Variants in SORBS2 observed in about 807,000 individuals in gnomAD.
SORBS2 encodes sorbin and SH3 domain containing 2, also known as sorbin and SH3 domain-containing protein 2.
SORBS2 carries 46 observed loss-of-function variants against 97.7 expected under a neutral mutation model. The ratio of observed to expected loss-of-function variants is 0.47; its 90% CI spans 0.37 to 0.60. The LOEUF (loss-of-function observed/expected upper bound fraction) is 0.60, where lower values mean the gene tolerates loss of function less well. SORBS2 is among the 20% of genes least tolerant of loss of function. The pLI is 0.00. For missense variants in SORBS2, 1,316 were observed against 1,282.3 expected (o/e 1.03, Z -0.40); for synonymous variants, 476 against 473.4 (o/e 1.01, Z -0.07).
chr4:185,691,511 G>T (rs914353924), intron 2 of SORBS2, among the ~76,000 whole-genome samples: 2 of 152,106 alleles, frequency 1.3e-5, no homozygotes, highest in African/African-American at 4.8e-5. Context: ...TGCCTTACAT[G>T]TGCAGGTCAG....
At chr4:185,601,307 A>C (rs1456799091) in intron 12 of SORBS2, among the ~76,000 whole-genome samples, 1 of 152,164 alleles carries the variant, frequency 6.6e-6, no homozygotes, top group African/African-American at 2.4e-5. Context: ...ACATTTCCTG[A>C]CTTGTAGCTG....
intron 1 of SORBS2, among the ~76,000 whole-genome samples, chr4:185,806,040 C>A (rs780539736): frequency 2.0e-5 from 3 of 152,184 alleles, no homozygotes; most frequent in Non-Finnish European, 4.4e-5. Context: ...GTGTAGGCAA[C>A]CTGTATGAAG....
chr4:185,717,593 C>T (rs1365210920), intron 2 of SORBS2, among the ~76,000 whole-genome samples: 1 of 152,066 alleles, frequency 6.6e-6, no homozygotes, highest in African/African-American at 2.4e-5. Context: ...AGGTAGAAGC[C>T]GCATGTGGTC....
chr4:185,602,986 A>G (rs2096300716), intron 12 of SORBS2, among the ~76,000 whole-genome samples: 1 of 152,246 alleles, frequency 6.6e-6, no homozygotes, highest in South Asian at 2.1e-4. Flanking sequence ...AGTTAGTCAG[A>G]AGTATCTCAT....
intron 1 of SORBS2, among the ~76,000 whole-genome samples, chr4:185,841,489 C>T (rs866807624): frequency 5.9e-5 from 9 of 152,124 alleles, no homozygotes; most frequent in African/African-American, 1.7e-4. Context: ...GGTGCCAGAG[C>T]CCCAGATTAT....
intron 7 of SORBS2, among the ~76,000 whole-genome samples, chr4:185,620,545 T>G (rs140475341): frequency 6.6e-6 from 1 of 152,136 alleles, no homozygotes; most frequent in African/African-American, 2.4e-5. Flanking sequence ...GGATGGAGAA[T>G]TTGAAAATAG....
At chr4:185,593,163 T>G (rs1161685175) in intron 13 of SORBS2, 1 of 152,422 alleles carries the variant, frequency 6.6e-6, no homozygotes, top group Non-Finnish European at 1.5e-5. Flanking sequence ...TGAATAAGCC[T>G]TCCCAGGGGT....
chr4:185,624,013 C>T (rs1345029050), exon 7 of SORBS2: 21 of 1,614,232 alleles, frequency 1.3e-5, no homozygotes, highest in South Asian at 6.6e-5. Flanking sequence ...AGCAGATCAC[C>T]TCGGAGTTCA....
chr4:185,908,669 T>C (rs941559053), intron 1 of SORBS2, among the ~76,000 whole-genome samples: 16 of 151,810 alleles, frequency 1.1e-4, no homozygotes, highest in Non-Finnish European at 1.9e-4. Flanking sequence ...AATGAGTCCT[T>C]AACCAAATGA....
chr4:185,598,408 CA>C, intron 12 of SORBS2, among the ~76,000 whole-genome samples: 1 of 152,162 alleles, frequency 6.6e-6, no homozygotes, highest in Non-Finnish European at 1.5e-5. Context: ...GAACCAATCA[CA>C]AGTTGCTGTT....
intron 2 of SORBS2, among the ~76,000 whole-genome samples, chr4:185,736,395 C>T (rs1273698859): frequency 3.3e-5 from 5 of 152,114 alleles, no homozygotes; most frequent in African/African-American, 9.7e-5. Context: ...GTGCCCTGGG[C>T]CTGCAAAGGT....
chr4:185,914,820 T>C (rs1225423395), intron 1 of SORBS2, among the ~76,000 whole-genome samples: 1 of 152,218 alleles, frequency 6.6e-6, no homozygotes, highest in Non-Finnish European at 1.5e-5. Context: ...CTGTAACCAG[T>C]CACAACTCAT....
chr4:185,741,068 CAT>C (rs1216685455), intron 2 of SORBS2, among the ~76,000 whole-genome samples: 2 of 152,118 alleles, frequency 1.3e-5, no homozygotes, highest in Non-Finnish European at 2.9e-5. Flanking sequence ...GATTCTCTGG[CAT>C]AGACTCAGAC....
At chr4:185,646,876 C>A in intron 3 of SORBS2, 94 bp from the exon 13 acceptor site, 2 of 728,268 alleles carry the variant, frequency 2.7e-6, no homozygotes, top group African/African-American at 1.8e-5. Context: ...TTACTTTTAG[C>A]ATAGTTTTAA....
chr4:185,741,643 C>T (rs528586596), intron 2 of SORBS2, among the ~76,000 whole-genome samples: 26 of 152,134 alleles, frequency 1.7e-4, no homozygotes, highest in Non-Finnish European at 2.5e-4. Flanking sequence ...GGATTACAGG[C>T]GTGAGCCACC....
chr4:185,621,023 A>T (rs1381647500), intron 7 of SORBS2, among the ~76,000 whole-genome samples: 6 of 152,220 alleles, frequency 3.9e-5, no homozygotes, highest in African/African-American at 1.4e-4. Flanking sequence ...GTAACTAGAC[A>T]TTAAATGTAT....
At chr4:185,906,665 CTGTT>C (rs2099251044) in intron 1 of SORBS2, among the ~76,000 whole-genome samples, 2 of 152,192 alleles carry the variant, frequency 1.3e-5, no homozygotes, top group South Asian at 2.1e-4. Flanking sequence ...CACCTGCCCA[CTGTT>C]TATATGATTC....
intron 1 of SORBS2, among the ~76,000 whole-genome samples, chr4:185,795,618 T>C (rs2099101291): frequency 6.6e-6 from 1 of 152,242 alleles, no homozygotes; most frequent in Non-Finnish European, 1.5e-5. Flanking sequence ...GTTGAAATCA[T>C]ATTTTGGCTG....
chr4:185,791,096 A>T (rs542049887), intron 1 of SORBS2, among the ~76,000 whole-genome samples: 2 of 152,362 alleles, frequency 1.3e-5, no homozygotes, highest in East Asian at 3.9e-4. Context: ...AAGTTTCTCT[A>T]AGTACTAATT....
Sources: allele counts gnomAD v4.1 joint callset (sites outside exome capture counted in the v4.1 genomes callset), GRCh38; gene constraint gnomAD v4.1.1; transcripts MANE v1.5; gene names NCBI Gene and HGNC (gene_info 2026-07-23, HGNC 2026-07-21).